The following NIPAL2 variants were observed in gnomAD, a reference collection of about 807,000 sequenced individuals.
The protein encoded by NIPAL2 is NIPA-like protein 2.
Under a neutral mutation model 48.9 loss-of-function variants are expected in NIPAL2, and 43 were observed. The ratio of observed to expected loss-of-function variants is 0.88; its 90% CI spans 0.69 to 1.13. The LOEUF (loss-of-function observed/expected upper bound fraction) is 1.13, where lower values mean the gene tolerates loss of function less well. Among genes scored for constraint, NIPAL2 ranks in the 50% most tolerant of loss-of-function variants. NIPAL2 has a pLI of 0.00. For synonymous variants in NIPAL2, 167 were observed against 174.6 expected (o/e 0.96, Z 0.34); for missense variants, 446 against 461.4 (o/e 0.97, Z 0.31).
intron 3 of NIPAL2, among the ~76,000 whole-genome samples, chr8:98,245,776 T>A (rs1280730533): frequency 2.6e-5 from 4 of 152,230 alleles, no homozygotes; most frequent in Admixed American, 2.6e-4. Flanking sequence ...AAATAAAGTG[T>A]TTAGGCTTCA....
chr8:98,280,539 A>G (rs778412640), intron 1 of NIPAL2, among the ~76,000 whole-genome samples: 65 of 151,474 alleles, frequency 4.3e-4, no homozygotes, highest in Non-Finnish European at 8.2e-4. Context: ...TGTTCAGCTC[A>G]CCCCATTTCA....
At chr8:98,285,531 G>A (rs1023149013) in intron 1 of NIPAL2, among the ~76,000 whole-genome samples, 1 of 152,078 alleles carries the variant, frequency 6.6e-6, no homozygotes, top group Non-Finnish European at 1.5e-5. Flanking sequence ...TACCCTAGAG[G>A]GGCGAGCCTG....
chr8:98,202,969 T>C (rs990177724), intron 8 of NIPAL2, 139 bp downstream of exon 8: 2 of 663,828 alleles, frequency 3.0e-6, no homozygotes, highest in Non-Finnish European at 5.3e-6. Context: ...TCCTGGAAGA[T>C]TGTCATAGGG....
At chr8:98,289,643 G>T (rs1326154562) in intron 1 of NIPAL2, among the ~76,000 whole-genome samples, 1 of 151,872 alleles carries the variant, frequency 6.6e-6, no homozygotes, top group Admixed American at 6.6e-5. Context: ...GAGCTACCAT[G>T]CTTGGCTTCT....
Position 98,241,679 on chromosome 8 carries a change from G to A in NIPAL2, c.377-5465C>T, listed in dbSNP as rs1205817843. On this transcript the variant is annotated intron_variant, in intron 3 of 10. Coordinates refer to ENST00000430223, the MANE Select transcript of NIPAL2 (RefSeq NM_001321635.2). ...TATGCAGCTAATAGAAATTATTATG[G>A]AAAATTACACAGTGATATTGATAAT... Among the ~76,000 whole-genome samples, 15 of 152,114 alleles carry A rather than the reference G, an allele frequency of 9.9e-5. No homozygotes were observed. The East Asian group carries it at 2.9e-3, about 29-fold the overall frequency.
At chr8:98,242,857 A>G (rs2130806107) in intron 3 of NIPAL2, among the ~76,000 whole-genome samples, 1 of 152,332 alleles carries the variant, frequency 6.6e-6, no homozygotes, top group East Asian at 1.9e-4. Flanking sequence ...AGCCTGATGT[A>G]ATGTTTCTAC....
At chr8:98,256,528 C>A (rs1418883759) in intron 1 of NIPAL2, among the ~76,000 whole-genome samples, 1 of 151,808 alleles carries the variant, frequency 6.6e-6, no homozygotes, top group Non-Finnish European at 1.5e-5. Flanking sequence ...ACACAAATGG[C>A]CAATAAACAC....
In NIPAL2 at chr8:98,201,241, C is replaced by T. The variant is rs138670658; in HGVS notation, c.880+1867G>A. On this transcript the variant is annotated intron_variant, in intron 8 of 10. Transcript: ENST00000430223. ...GAGAAGTAGTTGGCAAGCTCCACCA[C>T]CATTCCACTCACCAATAACATCAGA... 6.7e-3 allele frequency among the ~76,000 whole-genome samples: 1,026 copies of T among 152,274 alleles called. 10 individuals are homozygous for T. The highest frequency in any genetic ancestry group is 0.022 in the African/African-American group (934 of 41,542).
intron 1 of NIPAL2, among the ~76,000 whole-genome samples, chr8:98,291,725 C>T (rs1816497923): frequency 6.6e-6 from 1 of 152,210 alleles, no homozygotes; most frequent in Non-Finnish European, 1.5e-5. Flanking sequence ...CCTGTCACAA[C>T]TCCATCACTT....
At chr8:98,266,388 G>T (rs954995188) in intron 1 of NIPAL2, among the ~76,000 whole-genome samples, 1 of 151,894 alleles carries the variant, frequency 6.6e-6, no homozygotes, top group Non-Finnish European at 1.5e-5. Flanking sequence ...GATTGCCTGA[G>T]CTCAGGAGTT....
chr8:98,255,060 G>T (rs1002506336), intron 1 of NIPAL2, among the ~76,000 whole-genome samples: 2 of 150,996 alleles, frequency 1.3e-5, no homozygotes, highest in African/African-American at 4.9e-5. Flanking sequence ...TCTTTCTATT[G>T]GGTCTTCTGC....
chr8:98,263,742 C>T (rs906299649), intron 1 of NIPAL2, among the ~76,000 whole-genome samples: 6 of 119,532 alleles, frequency 5.0e-5, no homozygotes, highest in African/African-American at 1.7e-4. Flanking sequence ...CTATTCCAAT[C>T]AATAGAAAAA....
At chr8:98,282,806 T>G (rs1815921475) in intron 1 of NIPAL2, among the ~76,000 whole-genome samples, 1 of 152,264 alleles carries the variant, frequency 6.6e-6, no homozygotes, top group Non-Finnish European at 1.5e-5. Context: ...TTTGTTCTTG[T>G]AGATAATTGA....
chr8:98,193,726 C>T (rs546073619), intron 10 of NIPAL2, among the ~76,000 whole-genome samples: 1 of 151,658 alleles, frequency 6.6e-6, no homozygotes, highest in African/African-American at 2.4e-5. Context: ...TCACTTGAAC[C>T]CGGGAGGGGG....
intron 1 of NIPAL2, among the ~76,000 whole-genome samples, chr8:98,258,249 T>A (rs1259046625): frequency 6.6e-6 from 1 of 151,680 alleles, no homozygotes; most frequent in African/African-American, 2.4e-5. Flanking sequence ...GAATGGGGAG[T>A]TTGTGTTTAA....
chr8:98,276,846 C>T (rs372602326), intron 1 of NIPAL2, among the ~76,000 whole-genome samples: 10 of 151,424 alleles, frequency 6.6e-5, no homozygotes, highest in African/African-American at 2.4e-4. Flanking sequence ...GATCTTGGCT[C>T]ACTGCAACCT....
At chr8:98,209,089 T>C (rs1264300022) in intron 6 of NIPAL2, among the ~76,000 whole-genome samples, 1 of 152,194 alleles carries the variant, frequency 6.6e-6, no homozygotes, top group Non-Finnish European at 1.5e-5. Context: ...TGATGAACTA[T>C]ATTAATGAAT....
Position 98,205,119 on chromosome 8 carries a change from GA to G in NIPAL2, c.782del (p.Phe261SerfsTer6). On this transcript the variant is annotated frameshift_variant, in exon 7 of 11. Transcript: ENST00000430223. LOFTEE classifies it high-confidence loss of function. ...TGCAGAAGCTAACTTACTTGACTTG[GA>G]AAACACAAGATGCTATCATGATGAT... The part of the protein sequence containing the change: ...MFIIMIASCV[F>X]QVKFLNQATK... 6.2e-7 allele frequency: 1 copy of G among 1,613,446 alleles called. No homozygotes were observed. The highest frequency in any genetic ancestry group is 8.5e-7 in the Non-Finnish European group (1 of 1,179,820).
intron 4 of NIPAL2, among the ~76,000 whole-genome samples, chr8:98,224,409 T>C (rs1353494676): frequency 6.6e-6 from 1 of 151,606 alleles, no homozygotes; most frequent in Non-Finnish European, 1.5e-5. Flanking sequence ...GCTTAGAACA[T>C]TTTGGAGGAC....
Sources: gnomAD v4.1 joint callset for allele counts (sites outside exome capture counted in the v4.1 genomes callset) on GRCh38, gnomAD v4.1.1 for gene constraint, MANE v1.5 for transcripts, NCBI Gene and HGNC (gene_info 2026-07-23, HGNC 2026-07-21) for gene names.